The following BCL11B variants were observed in gnomAD, a reference collection of about 807,000 sequenced individuals.
The protein encoded by BCL11B is BCL11 transcription factor B.
A neutral mutation model predicts 49.9 loss-of-function variants in BCL11B; 8 were observed. The ratio of observed to expected loss-of-function variants is 0.16; its 90% CI spans 0.09 to 0.29. The LOEUF (loss-of-function observed/expected upper bound fraction) is 0.29. Ranked by LOEUF, BCL11B falls within the 10% of genes least tolerant of loss-of-function variation. The pLI is 1.00. For synonymous variants in BCL11B, 739 were observed against 637.4 expected (o/e 1.16, Z -2.40); for missense variants, 1,006 against 1,351.0 (o/e 0.74, Z 4.00).
intron 1 of BCL11B, 81 bp downstream of exon 1, chr14:99,271,080 C>A: frequency 7.1e-7 from 1 of 1,403,806 alleles, no homozygotes; most frequent in South Asian, 1.4e-5. Flanking sequence ...CCAGGCTCGG[C>A]TGTTCCGGGC....
At chr14:99,217,271 AATACTCAC>A (rs1341576210) in intron 3 of BCL11B, among the ~76,000 whole-genome samples, 1 of 151,022 alleles carries the variant, frequency 6.6e-6, no homozygotes, top group African/African-American at 2.4e-5. Context: ...GACATATGCA[AATACTCAC>A]ATACAAACAC....
At chr14:99,199,877 T>C (rs1887323601) in intron 3 of BCL11B, among the ~76,000 whole-genome samples, 1 of 152,128 alleles carries the variant, frequency 6.6e-6, no homozygotes, top group Non-Finnish European at 1.5e-5. Context: ...TTAAATATAT[T>C]CGAACGCTTG....
chr14:99,212,180 C>T (rs1254425762), intron 3 of BCL11B, among the ~76,000 whole-genome samples: 1 of 152,162 alleles, frequency 6.6e-6, no homozygotes, highest in Non-Finnish European at 1.5e-5. Flanking sequence ...GGGGCTAGAG[C>T]AACTTGCTGA....
At chr14:99,268,955 C>G (rs1194502897) in intron 1 of BCL11B, among the ~76,000 whole-genome samples, 3 of 152,172 alleles carry the variant, frequency 2.0e-5, no homozygotes, top group African/African-American at 7.2e-5. Context: ...AGTGCTGCAC[C>G]AGGCACCCCT....
intron 3 of BCL11B, among the ~76,000 whole-genome samples, chr14:99,181,435 C>G (rs543343956): frequency 1.3e-5 from 2 of 152,266 alleles, no homozygotes; most frequent in Non-Finnish European, 2.9e-5. Flanking sequence ...AGCGGCACGG[C>G]CAGAAAGGGG....
Position 99,248,585 on chromosome 14 carries a change from C to T in BCL11B, c.427+8886G>A, listed in dbSNP as rs992078471. On this transcript the variant is annotated intron_variant, in intron 2 of 3. Transcript: ENST00000357195. This position sits in a 1 kb window ranked among gnomAD's most constrained non-coding sequence, Gnocchi z 4.7. ...CTCTGAGCTTCAACTGTTTACCTCA[C>T]GGTGAGTGGACCAAATTCTCCCATA... 6.6e-6 allele frequency among the ~76,000 whole-genome samples: 1 copy of T among 152,226 alleles called. No homozygotes were observed. Among genetic ancestry groups the T allele is most frequent in the Admixed American group, 6.5e-5 (1 of 15,282 alleles).
chr14:99,179,859 C>T (rs903016108), intron 3 of BCL11B, among the ~76,000 whole-genome samples: 22 of 152,134 alleles, frequency 1.4e-4, no homozygotes, highest in Non-Finnish European at 2.9e-4. Context: ...ATCTCTTGCC[C>T]GGAAGTAGCC....
intron 2 of BCL11B, among the ~76,000 whole-genome samples, chr14:99,233,420 G>A (rs1432649535): frequency 6.6e-6 from 1 of 152,222 alleles, no homozygotes; most frequent in Non-Finnish European, 1.5e-5. Flanking sequence ...CAGGGGTCCT[G>A]GGATCTCTAG....
At position 99,229,003 on chromosome 14, in the gene BCL11B, A is replaced by AATGGATGGATGG. The variant is rs546394639; in HGVS notation, c.640+2330_640+2341dup. On this transcript the variant is annotated intron_variant, in intron 3 of 3. Coordinates refer to ENST00000357195, the MANE Select transcript of BCL11B (RefSeq NM_138576.4). The stretch of plus-strand genomic sequence containing the variant: ...GGATGGATGGATGGCTACATGGATG[A>AATGGATGGATGG]ATGGATGGATGGATGGATGGATGGA... 9.2e-3 allele frequency among the ~76,000 whole-genome samples: 988 copies of AATGGATGGATGG among 107,510 alleles called. 22 individuals carry two copies. The highest frequency in any genetic ancestry group is 0.068 in the East Asian group (236 of 3,494). 70.5% of individuals were successfully genotyped at this position (107,510 alleles called of 152,430 possible).
In BCL11B at chr14:99,172,783, C is replaced by A. The variant is rs1886332381; in HGVS notation, c.*1368G>T. 1 of 216,104 alleles carries A rather than the reference C, an allele frequency of 4.6e-6. No individual in the cohort carries two copies. Among genetic ancestry groups the A allele is most frequent in the Non-Finnish European group, 9.3e-6 (1 of 107,284 alleles). 13.4% of individuals were successfully genotyped at this position (216,104 alleles called of 1,614,324 possible). On this transcript the variant is annotated 3_prime_UTR_variant, in exon 4 of 4. Coordinates refer to ENST00000357195, the MANE Select transcript of BCL11B (RefSeq NM_138576.4). ...ACAAAAGCTTTAAAGTGCGGGTCAACAGAATTCAAATGTCTAATCTTAACA... is the reference window on the plus strand; with the variant it reads ...ACAAAAGCTTTAAAGTGCGGGTCAAAAGAATTCAAATGTCTAATCTTAACA...
intron 2 of BCL11B, among the ~76,000 whole-genome samples, chr14:99,246,033 G>A (rs1042493312): frequency 2.0e-5 from 3 of 152,146 alleles, no homozygotes; most frequent in Admixed American, 2.0e-4. Context: ...TTCAGGAGCC[G>A]GTCCCGAGGC....
rs201749852 is a variant in BCL11B, at chr14:99,257,591, G to T, written c.307C>A (p.Arg103Ser). The change falls in exon 2 of 4, where the codon CGC becomes AGC. Residue 103 changes from arginine to serine, a missense_variant. Physicochemically the swap from Arg to Ser is moderately radical, Grantham distance 110 (BLOSUM62 -1). Transcript: ENST00000357195. This position sits in a 1 kb window ranked among gnomAD's most constrained non-coding sequence, Gnocchi z 6.2. Reference sequence around the variant, plus strand: ...TCGGACACTTTCCTGAGCTCGGAGCGTGAGGAGGGTGGCGGGCTGTCCTTG... The same window carrying T: ...TCGGACACTTTCCTGAGCTCGGAGCTTGAGGAGGGTGGCGGGCTGTCCTTG... ...LDKDSPPPSSRSELRKVSEPV... is the reference protein window; with the variant it reads ...LDKDSPPPSSSSELRKVSEPV... 3 of 1,614,102 alleles carry T rather than the reference G, an allele frequency of 1.9e-6. No individual in the cohort carries two copies. In the South Asian group the frequency reaches 3.3e-5, roughly 18 times the overall value.
chr14:99,271,011 G>A (rs961747019), intron 1 of BCL11B, 150 bp downstream of exon 1: 144 of 778,096 alleles, frequency 1.9e-4, no homozygotes, highest in Non-Finnish European at 2.3e-4. Flanking sequence ...CCCGCCCCCC[G>A]CCATGCTCCA....
intron 3 of BCL11B, among the ~76,000 whole-genome samples, chr14:99,203,296 G>T (rs1415074168): frequency 6.6e-6 from 1 of 152,238 alleles, no homozygotes; most frequent in African/African-American, 2.4e-5. Flanking sequence ...ATCAAAGAGG[G>T]AAATAACCCG....
Position 99,192,305 on chromosome 14 carries a change from G to A in BCL11B, c.641-16110C>T, listed in dbSNP as rs768754049. On this transcript the variant is annotated intron_variant, in intron 3 of 3. Coordinates refer to ENST00000357195, the MANE Select transcript of BCL11B (RefSeq NM_138576.4). The surrounding 1 kb of genome is among the most constrained non-coding windows in gnomAD (Gnocchi z 4.0). ...CTTTCATTTTAAGCGCCCCAGCCAC[G>A]CTTCCCTAATAACAGCCTGGGAACT... 3.7e-4 allele frequency among the ~76,000 whole-genome samples: 56 copies of A among 152,062 alleles called. 1 individual carries two copies. Among genetic ancestry groups the A allele is most frequent in the Non-Finnish European group, 1.5e-4 (10 of 68,008 alleles).
chr14:99,250,075 G>T (rs546175666), intron 2 of BCL11B, among the ~76,000 whole-genome samples: 1 of 133,108 alleles, frequency 7.5e-6, no homozygotes, highest in South Asian at 2.5e-4. Context: ...TCCTTCTGTC[G>T]CCCAGGCTGG....
rs1483265903 is a variant in BCL11B, at chr14:99,192,219, CTG to C, written c.641-16026_641-16025del. Among the ~76,000 whole-genome samples the C allele has an allele frequency of 6.6e-6, 1 of 152,182 alleles. No individual in the cohort carries two copies. Among genetic ancestry groups the C allele is most frequent in the East Asian group, 1.9e-4 (1 of 5,188 alleles). ...TTTTGCTTGGCGGCTGTTCATAATACTGTCTTGGCAGCGTTTCCTTGGAGCGC... is the reference window on the plus strand; with the variant it reads ...TTTTGCTTGGCGGCTGTTCATAATACTCTTGGCAGCGTTTCCTTGGAGCGC... On this transcript the variant is annotated intron_variant, in intron 3 of 3. Coordinates refer to ENST00000357195, the MANE Select transcript of BCL11B (RefSeq NM_138576.4). This position sits in a 1 kb window ranked among gnomAD's most constrained non-coding sequence, Gnocchi z 4.0.
intron 2 of BCL11B, among the ~76,000 whole-genome samples, chr14:99,249,139 GGAA>G (rs1888927805): frequency 6.6e-6 from 1 of 152,106 alleles, no homozygotes; most frequent in South Asian, 2.1e-4. Context: ...ACCTCAGAGT[GGAA>G]ATCACTCATT....
In BCL11B at chr14:99,184,383, T is replaced by G. The variant is rs796749190; in HGVS notation, c.641-8188A>C. Reference sequence around the variant, plus strand: ...GAACTGTCATCTTTTGTCTTTGACCTTGGTGTGTTCAGCATGGCTACAGCC... The same window carrying G: ...GAACTGTCATCTTTTGTCTTTGACCGTGGTGTGTTCAGCATGGCTACAGCC... On this transcript the variant is annotated intron_variant, in intron 3 of 3. Transcript: ENST00000357195. This position sits in a 1 kb window ranked among gnomAD's most constrained non-coding sequence, Gnocchi z 6.1. Among the ~76,000 whole-genome samples, 22 of 152,378 alleles carry G rather than the reference T, an allele frequency of 1.4e-4. 1 individual carries two copies. The highest frequency in any genetic ancestry group is 5.3e-4 in the African/African-American group (22 of 41,600).
Sources: allele counts gnomAD v4.1 joint callset (sites outside exome capture counted in the v4.1 genomes callset), GRCh38; gene constraint gnomAD v4.1.1; non-coding constraint Gnocchi (gnomAD v3.1); transcripts MANE v1.5; gene names NCBI Gene and HGNC (gene_info 2026-07-23, HGNC 2026-07-21).